Variants in TET3 observed in about 807,000 individuals in gnomAD.
TET3 encodes the protein methylcytosine dioxygenase TET3.
TET3 carries 19 observed loss-of-function variants against 141.4 expected under a neutral mutation model. That is an observed-to-expected ratio of 0.13 (90% CI 0.09 to 0.20). TET3 has a LOEUF of 0.20. Ranked by LOEUF, TET3 falls within the 10% of genes least tolerant of loss-of-function variation. The probability of loss-of-function intolerance (pLI) is 1.00; values close to 1 mark genes in which losing one functional copy is unlikely to be tolerated. For synonymous variants in TET3, 1,043 were observed against 980.9 expected (o/e 1.06, Z -1.18); for missense variants, 1,874 against 2,356.9 (o/e 0.80, Z 4.24).
In TET3 at chr2:74,022,180, A is replaced by G. The variant is rs745346609; in HGVS notation, c.360+19014A>G. Among the ~76,000 whole-genome samples, 84 of 145,648 alleles carry G rather than the reference A, an allele frequency of 5.8e-4. 1 individual carries two copies. The highest frequency in any genetic ancestry group is 4.8e-4 in the Non-Finnish European group (32 of 67,180). On this transcript the variant is annotated intron_variant, in intron 3 of 11. Transcript: ENST00000409262. ...GTCAAAATAATACATGTTTATTGTA[A>G]AACTATTTCTTTTCTGATTGGCATA...
At chr2:74,094,322 T>C (rs751074882) in intron 10 of TET3, among the ~76,000 whole-genome samples, 2 of 151,936 alleles carry the variant, frequency 1.3e-5, no homozygotes, top group Non-Finnish European at 2.9e-5. Context: ...GCAGGCTGGG[T>C]GTGTGTTCAG....
At chr2:74,043,409 A>T (rs1437003604) in intron 3 of TET3, among the ~76,000 whole-genome samples, 1 of 152,074 alleles carries the variant, frequency 6.6e-6, no homozygotes, top group Non-Finnish European at 1.5e-5. Flanking sequence ...AGTCATTGAG[A>T]TTTGGACCCT....
At chr2:74,122,261 G>T in the TET3 span, 1 of 151,828 alleles carries the variant, frequency 6.6e-6, no homozygotes, top group African/African-American at 2.4e-5. Flanking sequence ...AAGTCTAGCT[G>T]CCTGAGGTTG....
chr2:74,044,514 G>A (rs1175760412), intron 3 of TET3, among the ~76,000 whole-genome samples: 1 of 152,068 alleles, frequency 6.6e-6, no homozygotes, highest in East Asian at 1.9e-4. Flanking sequence ...TCAAAAATAG[G>A]CATTTTATAG....
chr2:74,061,124 G>GCGGC (rs373046883), intron 4 of TET3, among the ~76,000 whole-genome samples: 1 of 149,952 alleles, frequency 6.7e-6, no homozygotes, highest in African/African-American at 2.4e-5. Context: ...ACCGGACGGG[G>GCGGC]CGGCCGGCCG....
In TET3 at chr2:74,102,660, C is replaced by G. The variant is rs187617994; in HGVS notation, c.*484C>G. The G allele has an allele frequency of 6.6e-6, 1 of 152,184 alleles. No homozygotes were observed. Among genetic ancestry groups the G allele is most frequent in the African/African-American group, 2.4e-5 (1 of 41,434 alleles). 9.4% of individuals were successfully genotyped at this position (152,184 alleles called of 1,614,324 possible). ...GCAGGAAAGGCCAGTAGTGCTCCCC[C>G]GCCCAGTCTCGCTGGGTCTGGCGAG... On this transcript the variant is annotated 3_prime_UTR_variant, in exon 12 of 12. Transcript: ENST00000409262.
intron 2 of TET3, among the ~76,000 whole-genome samples, chr2:74,002,359 G>A (rs928314738): frequency 2.0e-5 from 3 of 152,024 alleles, no homozygotes; most frequent in Admixed American, 6.5e-5. Context: ...GGCGAAGCGG[G>A]AATCCCCCCC....
intron 4 of TET3, among the ~76,000 whole-genome samples, chr2:74,069,598 T>C (rs1339668739): frequency 6.6e-6 from 1 of 151,754 alleles, no homozygotes; most frequent in Non-Finnish European, 1.5e-5. Context: ...TCTTTTTTTT[T>C]TCCCTTGATG....
rs375875056 is a variant in TET3, at chr2:74,102,019, G to A, written c.5231G>A (p.Arg1744His). 2.5e-6 allele frequency: 4 copies of A among 1,576,876 alleles called. No homozygotes were observed. Among genetic ancestry groups the A allele is most frequent in the Non-Finnish European group, 3.4e-6 (4 of 1,159,576 alleles). Residue 1744 changes from arginine to histidine, a missense_variant, in exon 12 of 12, where the codon CGC becomes CAC. Coordinates refer to ENST00000409262, the MANE Select transcript of TET3 (RefSeq NM_001287491.2). ...QQEAKLYGKK[R>H]KWGGTVVAEP... ...GAGGCCAAGCTCTACGGGAAGAAGC[G>A]CAAGTGGGGGGGCACTGTGGTTGCT...
chr2:74,019,172 G>A (rs1335222901), intron 3 of TET3, among the ~76,000 whole-genome samples: 14 of 152,200 alleles, frequency 9.2e-5, no homozygotes, highest in Admixed American at 7.9e-4. Context: ...TGGGAGGATC[G>A]CTGTAGCCCA....
chr2:73,985,701 C>T (rs2105052977), intron 1 of TET3, among the ~76,000 whole-genome samples: 1 of 152,180 alleles, frequency 6.6e-6, no homozygotes, highest in Non-Finnish European at 1.5e-5. Flanking sequence ...GTGAAACTCT[C>T]ACCAGCCCGT....
intron 3 of TET3, among the ~76,000 whole-genome samples, chr2:74,024,816 G>T (rs1443715151): frequency 6.6e-6 from 1 of 152,082 alleles, no homozygotes; most frequent in East Asian, 1.9e-4. Context: ...TACAAAAGTT[G>T]CAGGAATAGT....
the TET3 span, chr2:74,122,509 A>ATTTTTTTTTTTTTTTTTTTTTTTTTTT: frequency 1.3e-5 from 1 of 76,262 alleles, no homozygotes. Context: ...ATATATATAT[A>ATTTTTTTTTTTTTTTTTTTTTTTTTTT]TATTTTTTTT....
intron 3 of TET3, among the ~76,000 whole-genome samples, chr2:74,045,326 C>T (rs1470578077): frequency 6.6e-6 from 1 of 152,170 alleles, no homozygotes; most frequent in African/African-American, 2.4e-5. Flanking sequence ...TGTATACATC[C>T]TGTACCTCAT....
intron 2 of TET3, among the ~76,000 whole-genome samples, chr2:74,002,053 T>A (rs1001059760): frequency 6.6e-6 from 1 of 152,058 alleles, no homozygotes; most frequent in Non-Finnish European, 1.5e-5. Context: ...GAGCCTGTTT[T>A]CTGAGGTGGG....
chr2:74,032,451 C>CTG lies in TET3; in HGVS notation c.361-13771_361-13770dup, dbSNP rs61217149. Among the ~76,000 whole-genome samples, 679 of 71,928 alleles carry CTG rather than the reference C, an allele frequency of 9.4e-3. 17 individuals carry two copies. Among genetic ancestry groups the CTG allele is most frequent in the East Asian group, 0.057 (180 of 3,140 alleles). 47.2% of individuals were successfully genotyped at this position (71,928 alleles called of 152,430 possible). ...CAGCGGCTGCAAGAGGGGTGTGTCT[C>CTG]TGTGTGTGTGTGTGTGTGTGTGTGT... On this transcript the variant is annotated intron_variant, in intron 3 of 11. Coordinates refer to ENST00000409262, the MANE Select transcript of TET3 (RefSeq NM_001287491.2).
chr2:74,086,412 A>G (rs1244389856), intron 6 of TET3, among the ~76,000 whole-genome samples: 4 of 152,210 alleles, frequency 2.6e-5, no homozygotes, highest in East Asian at 1.9e-4. Flanking sequence ...TTGAGATACA[A>G]TTCTCGTACC....
the TET3 span, among the ~76,000 whole-genome samples, chr2:74,123,933 C>G: frequency 1.4e-5 from 2 of 146,746 alleles, no homozygotes; most frequent in Admixed American, 6.7e-5. Flanking sequence ...AACTGAGGAG[C>G]GTCTCTGCCC....
chr2:74,010,430 A>G (rs1025786016), intron 3 of TET3, among the ~76,000 whole-genome samples: 1 of 152,190 alleles, frequency 6.6e-6, no homozygotes, highest in African/African-American at 2.4e-5. Context: ...CCCCACAGCC[A>G]CCACCGGCAC....
Sources: gnomAD v4.1 joint callset for allele counts (sites outside exome capture counted in the v4.1 genomes callset) on GRCh38, gnomAD v4.1.1 for gene constraint, MANE v1.5 for transcripts, NCBI Gene and HGNC (gene_info 2026-07-23, HGNC 2026-07-21) for gene names.